NACAD: variants seen among roughly 807,000 people sequenced by gnomAD.
NACAD encodes the protein NAC-alpha domain-containing protein 1.
NACAD carries 47 observed loss-of-function variants against 98.9 expected under a neutral mutation model. The observed-to-expected ratio is 0.48, with a 90% CI of 0.38 to 0.61. The LOEUF is 0.61. Ranked by LOEUF, NACAD falls within the 20% of genes least tolerant of loss-of-function variation. The pLI is 0.00. For synonymous variants in NACAD, 696 were observed against 767.2 expected, an observed-to-expected ratio of 0.91 and a Z score of 1.53; for missense variants, 1,412 against 1,748.2, an observed-to-expected ratio of 0.81 and a Z score of 3.43.
chr7:45,080,687 C>T lies in NACAD; in HGVS notation c.4627G>A (p.Val1543Met), dbSNP rs369352632. The stretch of plus-strand genomic sequence containing the variant: ...CTGTGGTTGTCTCTCAGAGCCCGCA[C>T]GGCCTTGGCCCTGGACACATTGGCC... Reference protein sequence around the residue: ...AQANVSRAKAVRALRDNHSDI... With the variant: ...AQANVSRAKAMRALRDNHSDI... Residue 1543 changes from valine (V) to methionine (M), a missense_variant, in exon 7 of 8, where the codon GTG becomes ATG. Transcript: ENST00000490531. 3.6e-5 allele frequency: 56 copies of T among 1,551,250 alleles called. No homozygotes were observed. In the African/African-American group the frequency reaches 4.6e-4, roughly 13 times the overall value.
At position 45,088,680 on chromosome 7, in the gene NACAD, T is replaced by C. The variant is rs1274557282; in HGVS notation, c.67+148A>G. The stretch of plus-strand genomic sequence containing the variant: ...GAGAGAGGCGGTAGCAGGGTTCAGA[T>C]GGAGGGAAGGACAGGGCGCGGAAAG... On this transcript the variant is annotated intron_variant, in intron 1 of 7. Transcript: ENST00000490531. The surrounding 1 kb of genome is among the most constrained non-coding windows in gnomAD (Gnocchi z 5.7). 4.1e-6 allele frequency: 2 copies of C among 490,710 alleles called. No individual in the cohort carries two copies. The highest frequency in any genetic ancestry group is 6.0e-6 in the Non-Finnish European group (2 of 333,146). 30.4% of individuals were successfully genotyped at this position (490,710 alleles called of 1,614,324 possible). A position where few individuals can be genotyped will look rare whatever the true frequency, so the allele number is the denominator to read the frequency against.
rs1328515199 is a variant in NACAD at position 45,082,307 on chromosome 7, C to T, written c.3873G>A (p.Leu1291=). The T allele has an allele frequency of 4.5e-6, 7 of 1,550,596 alleles. No homozygotes were observed. The East Asian group carries it at 1.7e-4, about 38-fold the overall frequency. Residue 1291 remains leucine, a synonymous_variant, in exon 2 of 8, where the codon CTG becomes CTA. Transcript: ENST00000490531. This position sits in a 1 kb window ranked among gnomAD's most constrained non-coding sequence, Gnocchi z 4.5. ...AGAGGCTGACTCGCGGCCCAGTCCCCAGAGGCTGTGTGGTTCCTGAGACAG... is the reference window on the plus strand; with the variant it reads ...AGAGGCTGACTCGCGGCCCAGTCCCTAGAGGCTGTGTGGTTCCTGAGACAG... ...AAAVSGTTQP[L]GTGPRVSLSP... is the part of the protein sequence containing the mutation.
Position 45,080,687 on chromosome 7 carries a change from C to A in NACAD, c.4627G>T (p.Val1543Leu). The A allele has an allele frequency of 6.4e-7, 1 of 1,551,250 alleles. No individual in the cohort carries two copies. Reference protein sequence around the residue: ...AQANVSRAKAVRALRDNHSDI... With the variant: ...AQANVSRAKALRALRDNHSDI... ...CTGTGGTTGTCTCTCAGAGCCCGCA[C>A]GGCCTTGGCCCTGGACACATTGGCC... Residue 1543 changes from valine (V) to leucine (L), a missense_variant, in exon 7 of 8, where the codon GTG becomes TTG. Transcript: ENST00000490531.
chr7:45,081,864 G>A lies in NACAD; in HGVS notation c.4076C>T (p.Ser1359Leu), dbSNP rs1277356608. The change falls in exon 3 of 8, where the codon TCG becomes TTG. Residue 1359 changes from serine to leucine, a missense_variant. Transcript: ENST00000490531. ...QEDEDSLEED[S>L]PRALGSGQHS... ...CTGGCCCGAGCCCAGGGCCCGAGGC[G>A]AGTCTGGGGAAGGGGAGAGGTGTGA... is the stretch of plus-strand genomic sequence containing the variant. The A allele has an allele frequency of 5.8e-6, 9 of 1,544,674 alleles. No individual in the cohort carries two copies. Among genetic ancestry groups the A allele is most frequent in the East Asian group, 4.9e-5 (2 of 40,896 alleles).
At position 45,084,705 on chromosome 7, in the gene NACAD, G is replaced by C; in HGVS notation, c.1475C>G (p.Pro492Arg). 6.4e-6 allele frequency: 10 copies of C among 1,550,926 alleles called. No individual in the cohort carries two copies. In the South Asian group the frequency reaches 1.1e-4, roughly 17 times the overall value. The change falls in exon 2 of 8, where the codon CCA becomes CGA. Residue 492 changes from proline to arginine, a missense_variant. By Grantham distance (103) the Pro-to-Arg change is moderately radical (BLOSUM62 -2). Around this residue, in one of 5 missense-constraint regions of NACAD, gnomAD observed 638 missense variants for 722.7 expected, o/e 0.88. Coordinates refer to ENST00000490531, the MANE Select transcript of NACAD (RefSeq NM_001146334.2). Reference sequence around the variant, plus strand: ...GGTAGCCACCTCCACCTGGAGGCCTGGGGCTACCTGCAGAGTGTGAGGGGT... The same window carrying C: ...GGTAGCCACCTCCACCTGGAGGCCTCGGGCTACCTGCAGAGTGTGAGGGGT... ...TVTPHTLQVA[P>R]GLQVEVATRV...
rs574074595 is a variant in NACAD, at chr7:45,088,111, C to T, written c.67+717G>A. Among the ~76,000 whole-genome samples the T allele has an allele frequency of 6.6e-6, 1 of 152,300 alleles. No individual in the cohort carries two copies. The highest frequency in any genetic ancestry group is 1.9e-4 in the East Asian group (1 of 5,180). ...CTTGCCCACAGCAAGGTGCCCTTGG[C>T]CCTACCCACACATGGCTGACCTCCA... On this transcript the variant is annotated intron_variant, in intron 1 of 7. Transcript: ENST00000490531. The surrounding 1 kb of genome is among the most constrained non-coding windows in gnomAD (Gnocchi z 5.7).
rs1412232438 is a variant in NACAD at position 45,085,626 on chromosome 7, T to G, written c.554A>C (p.Tyr185Ser). 2 of 1,548,298 alleles carry G rather than the reference T, an allele frequency of 1.3e-6. No individual in the cohort carries two copies. The highest frequency in any genetic ancestry group is 4.9e-5 in the East Asian group (2 of 40,824). ...GGGCCCACAGGCAGGAAGCAGGGCA[T>G]AGGTGGTCTTGGTGGGGGTGGAGGG... ...TPPSTPTKTT[Y>S]ALLPACGPHG... The change falls in exon 2 of 8, where the codon TAT becomes TCT. Residue 185 changes from tyrosine (Y) to serine (S), a missense_variant. Physicochemically the swap from Tyr to Ser is moderately radical, Grantham distance 144. Transcript: ENST00000490531. This position sits in a 1 kb window ranked among gnomAD's most constrained non-coding sequence, Gnocchi z 6.1.
chr7:45,080,795 C>A, intron 6 of NACAD, 33 bp from the exon 7 acceptor site: 1 of 1,549,996 alleles, frequency 6.5e-7, no homozygotes, highest in Non-Finnish European at 8.7e-7. Context: ...GTGGCTGGAG[C>A]TGCTTGAGGT....
At chr7:45,081,058 G>C in intron 5 of NACAD, 36 bp from the exon 6 acceptor site, 1 of 1,550,826 alleles carries the variant, frequency 6.4e-7, no homozygotes, top group East Asian at 2.4e-5. Context: ...AGTAGAGCCT[G>C]TCCCCCCCTT....
In NACAD at chr7:45,080,706, A is replaced by G. The variant is rs1784414927; in HGVS notation, c.4608T>C (p.Asn1536=). 6.4e-7 allele frequency: 1 copy of G among 1,551,116 alleles called. No individual in the cohort carries two copies. Among genetic ancestry groups the G allele is most frequent in the African/African-American group, 1.4e-5 (1 of 73,146 alleles). The change falls in exon 7 of 8, where the codon AAT becomes AAC. Residue 1536 remains asparagine (N), a synonymous_variant. Transcript: ENST00000490531. The stretch of plus-strand genomic sequence containing the variant: ...CCCGCACGGCCTTGGCCCTGGACAC[A>G]TTGGCCTGCGCCATCACCAGCTCAA... The part of the protein sequence containing the change: ...RDIELVMAQA[N]VSRAKAVRAL...
Position 45,081,221 on chromosome 7 carries a change from T to C in NACAD, c.4300A>G (p.Arg1434Gly). The C allele has an allele frequency of 6.4e-7, 1 of 1,551,480 alleles. No homozygotes were observed. The highest frequency in any genetic ancestry group is 1.2e-5 in the South Asian group (1 of 84,056). ...TTCTTGGACTTCTGGATGGTGATCC[T>C]GGTGACTCCCTGAATCTGCCGCAAG... ...LGLRQIQGVT[R>G]ITIQKSKNIL... Residue 1434 changes from arginine to glycine, a missense_variant, in exon 5 of 8, where the codon AGG becomes GGG. Around this residue, in one of 5 missense-constraint regions of NACAD, gnomAD observed 42 missense variants for 82.5 expected, o/e 0.51. Transcript: ENST00000490531.
rs1784411770 is a variant in NACAD, at chr7:45,080,497, T to C, written c.*12A>G. The C allele has an allele frequency of 6.4e-7, 1 of 1,551,316 alleles. No individual in the cohort carries two copies. The highest frequency in any genetic ancestry group is 1.2e-5 in the South Asian group (1 of 84,062). The stretch of plus-strand genomic sequence containing the variant: ...GGGAAGGCGTAGGATGGCTCCAGCT[T>C]CCGGTCAGTGGCTACATGGTCAGTT... On this transcript the variant is annotated 3_prime_UTR_variant, in exon 8 of 8. Coordinates refer to ENST00000490531, the MANE Select transcript of NACAD (RefSeq NM_001146334.2).
In NACAD at chr7:45,082,250, C is replaced by T; in HGVS notation, c.3930G>A (p.Val1310=). 6.5e-7 allele frequency: 1 copy of T among 1,548,958 alleles called. No homozygotes were observed. Among genetic ancestry groups the T allele is most frequent in the South Asian group, 1.2e-5 (1 of 83,896 alleles). Reference sequence around the variant, plus strand: ...CCAGGTCTTTGGCATCCATGGAGGCCACCTTGGGGCTGAGGAGTGGGGAGT... The same window carrying T: ...CCAGGTCTTTGGCATCCATGGAGGCTACCTTGGGGCTGAGGAGTGGGGAGT... ...SPHSPLLSPK[V]ASMDAKDLAL... The change falls in exon 2 of 8, where the codon GTG becomes GTA. Residue 1310 remains valine (V), a synonymous_variant. Transcript: ENST00000490531. The surrounding 1 kb of genome is among the most constrained non-coding windows in gnomAD (Gnocchi z 4.5).
In NACAD at chr7:45,084,485, C is replaced by T. The variant is rs1307323704; in HGVS notation, c.1695G>A (p.Leu565=). Residue 565 remains leucine (L), a synonymous_variant, in exon 2 of 8, where the codon TTG becomes TTA. Coordinates refer to ENST00000490531, the MANE Select transcript of NACAD (RefSeq NM_001146334.2). ...LTLCPDSPQN[L]KEEGGLDLPS... is the part of the protein sequence containing the mutation. ...GGAGGTCCAGCCCTCCTTCTTCCTT[C>T]AAGTTCTGAGGAGAGTCTGGACACA... 1 of 1,552,092 alleles carries T rather than the reference C, an allele frequency of 6.4e-7. No individual in the cohort carries two copies. Among genetic ancestry groups the T allele is most frequent in the Non-Finnish European group, 8.7e-7 (1 of 1,147,110 alleles).
In NACAD at chr7:45,082,525, T is replaced by C. The variant is rs1029330163; in HGVS notation, c.3655A>G (p.Thr1219Ala). 29 of 1,549,318 alleles carry C rather than the reference T, an allele frequency of 1.9e-5. No individual in the cohort carries two copies. The African/African-American group carries it at 3.2e-4, about 17-fold the overall frequency. Residue 1219 changes from threonine (T) to alanine (A), a missense_variant, in exon 2 of 8, where the codon ACG becomes GCG. Thr to Ala is a moderately conservative substitution (Grantham distance 58). Coordinates refer to ENST00000490531, the MANE Select transcript of NACAD (RefSeq NM_001146334.2). The surrounding 1 kb of genome is among the most constrained non-coding windows in gnomAD (Gnocchi z 4.5). ...PENLAKGQPS[T>A]PVDRPLGPDP... Reference sequence around the variant, plus strand: ...GGGCCCAGGGGCCTGTCCACGGGCGTGCTGGGCTGACCCTTGGCAAGGTTT... The same window carrying C: ...GGGCCCAGGGGCCTGTCCACGGGCGCGCTGGGCTGACCCTTGGCAAGGTTT...
chr7:45,081,060 C>T (rs370588721), intron 5 of NACAD, 38 bp from the exon 6 acceptor site: 11 of 1,549,656 alleles, frequency 7.1e-6, no homozygotes, highest in Admixed American at 2.0e-5. Flanking sequence ...TAGAGCCTGT[C>T]CCCCCCTTGT....
Position 45,085,069 on chromosome 7 carries a change from T to C in NACAD, c.1111A>G (p.Thr371Ala). 3.2e-6 allele frequency: 5 copies of C among 1,550,982 alleles called. No individual in the cohort carries two copies. Among genetic ancestry groups the C allele is most frequent in the Non-Finnish European group, 4.4e-6 (5 of 1,146,912 alleles). The part of the protein sequence containing the change: ...FLQSLSDLSI[T>A]EGMDEAFAFR... ...GCAAAAGCCTCGTCCATGCCCTCCG[T>C]GATGGACAGGTCAGACAGTGACTGC... The change falls in exon 2 of 8, where the codon ACG becomes GCG. Residue 371 changes from threonine to alanine, a missense_variant. Physicochemically the swap from Thr to Ala is moderately conservative, Grantham distance 58 (BLOSUM62 0). This residue lies in a region of NACAD where 638 missense variants were observed against 722.7 expected (regional missense o/e 0.88). Transcript: ENST00000490531. The surrounding 1 kb of genome is among the most constrained non-coding windows in gnomAD (Gnocchi z 6.1).
At position 45,083,024 on chromosome 7, in the gene NACAD, T is replaced by C. The variant is rs770561682; in HGVS notation, c.3156A>G (p.Ala1052=). 115 of 1,550,818 alleles carry C rather than the reference T, an allele frequency of 7.4e-5. No individual in the cohort carries two copies. In the Middle Eastern group the frequency reaches 1.8e-3, roughly 25 times the overall value. Residue 1052 remains alanine, a synonymous_variant, in exon 2 of 8, where the codon GCA becomes GCG. Transcript: ENST00000490531. ...CTGTGTGCGCTCGCGCTTCCAGACA[T>C]GCTTCCCGTCCAGGCCTAGAAAGGG... ...AEALSRPGRE[A]CLEARAHTGD...
rs1318970036 is a variant in NACAD, at chr7:45,082,991, C to T, written c.3189G>A (p.Gly1063=). 4 of 1,550,844 alleles carry T rather than the reference C, an allele frequency of 2.6e-6. No homozygotes were observed. Among genetic ancestry groups the T allele is most frequent in the Non-Finnish European group, 3.5e-6 (4 of 1,147,008 alleles). The change falls in exon 2 of 8, where the codon GGG becomes GGA. Residue 1063 remains glycine, a synonymous_variant. Transcript: ENST00000490531. The surrounding 1 kb of genome is among the most constrained non-coding windows in gnomAD (Gnocchi z 4.5). ...CLEARAHTGD[G]AKPDSPQKET... ...CCTTTTGGGGTGAGTCAGGCTTAGC[C>T]CCATCACCTGTGTGCGCTCGCGCTT...
Sources: gnomAD v4.1 joint callset for allele counts (sites outside exome capture counted in the v4.1 genomes callset) on GRCh38, gnomAD v4.1.1 for gene constraint, gnomAD v4.1.1 regional missense constraint, Gnocchi (gnomAD v3.1) non-coding constraint, MANE v1.5 for transcripts, NCBI Gene and HGNC (gene_info 2026-07-23, HGNC 2026-07-21) for gene names.